THSD4: variants seen among roughly 807,000 people sequenced by gnomAD.
The protein encoded by THSD4 is thrombospondin type-1 domain-containing protein 4.
Under a neutral mutation model 119.0 loss-of-function variants are expected in THSD4, and 69 were observed. The ratio of observed to expected loss-of-function variants is 0.58; its 90% CI spans 0.48 to 0.71. THSD4 has a LOEUF of 0.71. THSD4 is among the 30% of genes least tolerant of loss of function. The pLI is 0.00. For synonymous variants in THSD4, 524 were observed against 540.4 expected (o/e 0.97, Z 0.42); for missense variants, 1,393 against 1,391.1 (o/e 1.00, Z -0.02).
chr15:71,183,712 G>A (rs1363062224), intron 3 of THSD4, among the ~76,000 whole-genome samples: 1 of 45,992 alleles, frequency 2.2e-5, no homozygotes, highest in Non-Finnish European at 7.6e-5. Context: ...TTCTTCTCAA[G>A]GTACTTTCCT....
At chr15:71,736,271 C>G (rs1443205768) in intron 10 of THSD4, among the ~76,000 whole-genome samples, 1 of 150,598 alleles carries the variant, frequency 6.6e-6, no homozygotes, top group Non-Finnish European at 1.5e-5. Context: ...GTCTCTGTCT[C>G]ACACTCTGTC....
At chr15:71,699,459 A>G (rs1567107760) in intron 8 of THSD4, among the ~76,000 whole-genome samples, 1 of 152,204 alleles carries the variant, frequency 6.6e-6, no homozygotes, top group African/African-American at 2.4e-5. Context: ...AATGTCAATT[A>G]TACCTCAATA....
intron 16 of THSD4, among the ~76,000 whole-genome samples, chr15:71,768,221 C>A (rs1441318208): frequency 1.3e-5 from 2 of 151,902 alleles, no homozygotes; most frequent in Non-Finnish European, 2.9e-5. Flanking sequence ...ACATCAGTGG[C>A]CACTAACATC....
chr15:71,616,901 C>T (rs2140920374), intron 7 of THSD4, among the ~76,000 whole-genome samples: 1 of 152,302 alleles, frequency 6.6e-6, no homozygotes, highest in Non-Finnish European at 1.5e-5. Context: ...AGCAAATCTC[C>T]TCGAAAGCTT....
chr15:71,780,472 T>G lies in THSD4; in HGVS notation c.*3098T>G, dbSNP rs1172401058. On this transcript the variant is annotated 3_prime_UTR_variant, in exon 18 of 18. Coordinates refer to ENST00000261862, the MANE Select transcript of THSD4 (RefSeq NM_024817.3). ...GATTCTTTCCACCCTCACGATGACTTGCGGTTCTCTCTGTAGAAAAGGGAT... is the reference window on the plus strand; with the variant it reads ...GATTCTTTCCACCCTCACGATGACTGGCGGTTCTCTCTGTAGAAAAGGGAT... 1 of 246,232 alleles carries G rather than the reference T, an allele frequency of 4.1e-6. No individual in the cohort carries two copies. Among genetic ancestry groups the G allele is most frequent in the African/African-American group, 2.2e-5 (1 of 45,512 alleles). 15.3% of individuals were successfully genotyped at this position (246,232 alleles called of 1,614,324 possible).
chr15:71,215,097 A>C lies in THSD4; in HGVS notation c.162A>C (p.Gly54=). ...ACGACGGCGGCGGCGGCGCCCCGGG[A>C]GTGTGGGGCGCCTGGGGCCCCTGGT... is the stretch of plus-strand genomic sequence containing the variant. ...PEDDGGGGAP[G]VWGAWGPWSA... Residue 54 remains glycine, a synonymous_variant, in exon 4 of 18, where the codon GGA becomes GGC. Transcript: ENST00000261862. 22 of 1,320,700 alleles carry C rather than the reference A, an allele frequency of 1.7e-5. No individual in the cohort carries two copies. Among genetic ancestry groups the C allele is most frequent in the Non-Finnish European group, 1.9e-5 (20 of 1,034,292 alleles). 81.8% of individuals were successfully genotyped at this position (1,320,700 alleles called of 1,614,324 possible).
chr15:71,337,885 A>T (rs904056872), intron 6 of THSD4, among the ~76,000 whole-genome samples: 2 of 152,190 alleles, frequency 1.3e-5, no homozygotes, highest in Non-Finnish European at 2.9e-5. Context: ...TCATTTACTA[A>T]TGACTGTGGG....
At chr15:71,294,630 T>C (rs2044837749) in intron 6 of THSD4, among the ~76,000 whole-genome samples, 1 of 152,140 alleles carries the variant, frequency 6.6e-6, no homozygotes, top group African/African-American at 2.4e-5. Context: ...CTCCACAATG[T>C]CTATATTCAC....
chr15:71,727,587 T>TACAC (rs367823728), intron 8 of THSD4, among the ~76,000 whole-genome samples: 16 of 9,248 alleles, frequency 1.7e-3, no homozygotes, highest in African/African-American at 4.1e-3. Flanking sequence ...TATATATATA[T>TACAC]ACACACACAC....
intron 6 of THSD4, among the ~76,000 whole-genome samples, chr15:71,296,739 G>A (rs72759684): frequency 0.18 from 27,454 of 152,154 alleles, 2,537 homozygotes; most frequent in South Asian, 0.25. Flanking sequence ...CCAGTTTTCA[G>A]TGCATCTGAA....
chr15:71,633,657 ATTTGTCTTTCAGTTCAT>A (rs1485744827), intron 7 of THSD4, among the ~76,000 whole-genome samples: 43 of 152,144 alleles, frequency 2.8e-4, no homozygotes, highest in Non-Finnish European at 5.1e-4. Context: ...AATTATTAAT[ATTTGTCTTTCAGTTCAT>A]TTAGTTTCCT....
chr15:71,136,114 G>C (rs545799336), intron 1 of THSD4, among the ~76,000 whole-genome samples: 2 of 144,360 alleles, frequency 1.4e-5, no homozygotes, highest in African/African-American at 2.5e-5. Flanking sequence ...AGCTACCCTA[G>C]ACCCGCTGTG....
intron 8 of THSD4, among the ~76,000 whole-genome samples, chr15:71,673,327 T>G (rs1228410350): frequency 6.6e-6 from 1 of 152,230 alleles, no homozygotes; most frequent in East Asian, 1.9e-4. Flanking sequence ...GTGGGATCGG[T>G]GGTGATATCC....
chr15:71,543,378 A>G (rs1490841578), intron 7 of THSD4, among the ~76,000 whole-genome samples: 1 of 152,182 alleles, frequency 6.6e-6, no homozygotes, highest in Non-Finnish European at 1.5e-5. Context: ...AGGTTGCTAC[A>G]TAAAGTCAAG....
chr15:71,106,043 C>T (rs571657638), intron 1 of THSD4, among the ~76,000 whole-genome samples: 27 of 152,286 alleles, frequency 1.8e-4, no homozygotes, highest in African/African-American at 6.3e-4. Context: ...CTTGAAGCAC[C>T]TGCCAAAATA....
intron 7 of THSD4, among the ~76,000 whole-genome samples, chr15:71,460,617 T>G (rs886550801): frequency 1.3e-5 from 2 of 152,202 alleles, no homozygotes; most frequent in Admixed American, 1.3e-4. Context: ...AACAGATACT[T>G]TTAGAATCTG....
At chr15:71,363,616 T>C (rs1339525316) in intron 6 of THSD4, among the ~76,000 whole-genome samples, 4 of 152,152 alleles carry the variant, frequency 2.6e-5, no homozygotes, top group Non-Finnish European at 4.4e-5. Flanking sequence ...AAAATGAACA[T>C]GCGTCAAAGA....
chr15:71,745,031 C>A, intron 11 of THSD4, 75 bp from the exon 12 acceptor site: 1 of 1,536,500 alleles, frequency 6.5e-7, no homozygotes. Context: ...GCACCCGAAT[C>A]TCTGTGCATC....
intron 15 of THSD4, among the ~76,000 whole-genome samples, chr15:71,764,023 C>T (rs1015932362): frequency 6.6e-6 from 1 of 151,960 alleles, no homozygotes; most frequent in African/African-American, 2.4e-5. Context: ...GCCAAGATCA[C>T]TCCGCTGCAC....
Sources: gnomAD v4.1 joint callset for allele counts (sites outside exome capture counted in the v4.1 genomes callset) on GRCh38, gnomAD v4.1.1 for gene constraint, MANE v1.5 for transcripts, NCBI Gene and HGNC (gene_info 2026-07-23, HGNC 2026-07-21) for gene names.